Variants in DOCK9 observed in about 807,000 individuals in gnomAD.
The protein encoded by DOCK9 is dedicator of cytokinesis 9.
DOCK9 carries 89 observed loss-of-function variants against 263.3 expected under a neutral mutation model. The ratio of observed to expected loss-of-function variants is 0.34; its 90% CI spans 0.28 to 0.40. The LOEUF is 0.40. DOCK9 is among the 10% of genes least tolerant of loss of function. The pLI, the probability that DOCK9 is intolerant of heterozygous loss-of-function variation, is 1.00. For missense variants in DOCK9, 2,140 were observed against 2,603.4 expected (o/e 0.82, Z 3.87); for synonymous variants, 976 against 973.1 (o/e 1.00, Z -0.06).
intron 1 of DOCK9, among the ~76,000 whole-genome samples, chr13:99,070,926 C>T (rs772064285): frequency 9.2e-5 from 14 of 152,010 alleles, no homozygotes; most frequent in African/African-American, 1.9e-4. Context: ...AACTTTTTTC[C>T]GTGAACAAAA....
chr13:98,910,582 T>C (rs1370885842), intron 9 of DOCK9, among the ~76,000 whole-genome samples: 1 of 152,140 alleles, frequency 6.6e-6, no homozygotes, highest in Non-Finnish European at 1.5e-5. Context: ...CAACTTCCTG[T>C]CGGTCATATC....
intron 30 of DOCK9, among the ~76,000 whole-genome samples, chr13:98,865,612 C>T (rs1172533794): frequency 6.6e-6 from 1 of 152,160 alleles, no homozygotes; most frequent in Non-Finnish European, 1.5e-5. Context: ...CTTGTGCTGC[C>T]CTGCTGGGTC....
At chr13:98,909,644 GA>G (rs2049694148) in intron 9 of DOCK9, among the ~76,000 whole-genome samples, 1 of 152,088 alleles carries the variant, frequency 6.6e-6, no homozygotes, top group Non-Finnish European at 1.5e-5. Flanking sequence ...CTTCACAAAG[GA>G]GGCCCAGAAA....
At chr13:98,912,042 G>T (rs2050138184) in intron 9 of DOCK9, among the ~76,000 whole-genome samples, 2 of 150,868 alleles carry the variant, frequency 1.3e-5, no homozygotes, top group South Asian at 2.1e-4. Context: ...GCTAATTTTT[G>T]TATTTCTAGT....
At position 99,053,913 on chromosome 13, in the gene DOCK9, G is replaced by GA. The variant is rs34293799; in HGVS notation, c.129+32309dup. Among the ~76,000 whole-genome samples, 98 of 149,658 alleles carry GA rather than the reference G, an allele frequency of 6.5e-4. 1 individual carries two copies. The Middle Eastern group carries it at 0.034, about 52-fold the overall frequency. On this transcript the variant is annotated intron_variant, in intron 1 of 32. Coordinates refer to the DOCK9 transcript ENST00000427887. ...TTGGAAGCAGGGTTAATCTTGCATT[G>GA]AAAAAAAAACACAAAGCAGATGGGG...
chr13:98,911,466 T>A (rs572457580), intron 9 of DOCK9, among the ~76,000 whole-genome samples: 62 of 152,300 alleles, frequency 4.1e-4, no homozygotes, highest in African/African-American at 1.4e-3. Flanking sequence ...TAAATATACA[T>A]AATAGCACAC....
At chr13:99,049,870 C>G (rs1303285151) in intron 1 of DOCK9, among the ~76,000 whole-genome samples, 1 of 152,112 alleles carries the variant, frequency 6.6e-6, no homozygotes, top group East Asian at 1.9e-4. Context: ...GATAATGATC[C>G]CTAACATACA....
intron 48 of DOCK9, among the ~76,000 whole-genome samples, chr13:98,806,153 A>G (rs2140130255): frequency 6.6e-6 from 1 of 152,366 alleles, no homozygotes; most frequent in South Asian, 2.1e-4. Context: ...CTAGGCCTCC[A>G]AATTATCATT....
At chr13:98,949,518 A>G (rs1177271691) in intron 2 of DOCK9, among the ~76,000 whole-genome samples, 1 of 152,194 alleles carries the variant, frequency 6.6e-6, no homozygotes, top group Non-Finnish European at 1.5e-5. Flanking sequence ...CCAATGTAGA[A>G]AACATTGGAA....
intron 1 of DOCK9, among the ~76,000 whole-genome samples, chr13:99,012,144 A>G (rs1884596943): frequency 6.6e-6 from 1 of 152,142 alleles, no homozygotes; most frequent in Non-Finnish European, 1.5e-5. Context: ...CCACCATACT[A>G]CAGTGCCTCT....
At chr13:98,875,838 T>C (rs2043740371) in intron 27 of DOCK9, among the ~76,000 whole-genome samples, 1 of 152,194 alleles carries the variant, frequency 6.6e-6, no homozygotes. Context: ...TTATTTTAGA[T>C]GCTAGTTCGA....
At chr13:98,973,060 T>C (rs1046429191) in intron 1 of DOCK9, among the ~76,000 whole-genome samples, 1 of 152,248 alleles carries the variant, frequency 6.6e-6, no homozygotes, top group Non-Finnish European at 1.5e-5. Flanking sequence ...AATAGGTCAC[T>C]ATATAAAGCT....
intron 2 of DOCK9, among the ~76,000 whole-genome samples, chr13:98,942,358 C>T (rs1184723899): frequency 6.6e-6 from 1 of 151,968 alleles, no homozygotes; most frequent in East Asian, 1.9e-4. Context: ...CCTGCCTCAG[C>T]CTCCCGAGTA....
At chr13:98,981,906 C>A (rs7991156), upstream of DOCK9, among the ~76,000 whole-genome samples, 22,903 of 152,170 alleles carry the variant, frequency 0.15, 2,423 homozygotes, top group East Asian at 0.43. Flanking sequence ...ATTTTCCTTT[C>A]CAACATTTCA....
chr13:98,878,361 C>T (rs554234104), intron 27 of DOCK9, among the ~76,000 whole-genome samples: 1 of 152,296 alleles, frequency 6.6e-6, no homozygotes, highest in South Asian at 2.1e-4. Context: ...TTTAAGTGTA[C>T]AGTTCAGTGG....
chr13:99,009,702 G>A (rs571763343), intron 1 of DOCK9, among the ~76,000 whole-genome samples: 40 of 151,864 alleles, frequency 2.6e-4, no homozygotes, highest in African/African-American at 9.4e-4. Context: ...CACACAAGCA[G>A]GATGGGGGCT....
chr13:98,826,627 C>A (rs1233262600), intron 44 of DOCK9, among the ~76,000 whole-genome samples: 1 of 134,422 alleles, frequency 7.4e-6, no homozygotes, highest in Admixed American at 7.9e-5. Context: ...GACAACATGC[C>A]ATCTACTTTT....
chr13:98,796,703 T>C (rs528041768), intron 52 of DOCK9, among the ~76,000 whole-genome samples: 45 of 152,300 alleles, frequency 3.0e-4, no homozygotes, highest in Admixed American at 9.1e-4. Flanking sequence ...AGCAAAAACA[T>C]TGAATGCAAC....
intron 52 of DOCK9, among the ~76,000 whole-genome samples, chr13:98,795,689 G>A (rs553023699): frequency 1.2e-4 from 19 of 152,132 alleles, no homozygotes; most frequent in African/African-American, 3.4e-4. Context: ...TCTGAAAATC[G>A]GTTCCCATGA....
Sources: allele counts gnomAD v4.1 joint callset (sites outside exome capture counted in the v4.1 genomes callset), GRCh38; gene constraint gnomAD v4.1.1; transcripts MANE v1.5; gene names NCBI Gene and HGNC (gene_info 2026-07-23, HGNC 2026-07-21).